The following PCDH15 variants were observed in gnomAD, a reference collection of about 807,000 sequenced individuals.
PCDH15 encodes the protein protocadherin related 15.
In PCDH15, 129 loss-of-function variants were observed where a neutral mutation model predicts 178.5. The ratio of observed to expected loss-of-function variants is 0.72; its 90% CI spans 0.63 to 0.84. PCDH15 has a LOEUF of 0.84. Among genes scored for constraint, PCDH15 ranks in the 40% least tolerant of loss-of-function variants. The probability of loss-of-function intolerance (pLI) is 0.00; values close to 1 mark genes in which losing one functional copy is unlikely to be tolerated. For synonymous variants in PCDH15, 800 were observed against 732.0 expected (o/e 1.09, Z -1.50); for missense variants, 2,230 against 2,099.9 (o/e 1.06, Z -1.21).
At chr10:55,142,254 C>G (rs1288704793) in intron 2 of PCDH15, among the ~76,000 whole-genome samples, 1 of 151,910 alleles carries the variant, frequency 6.6e-6, no homozygotes, top group African/African-American at 2.4e-5. Context: ...AAAAAAAGAA[C>G]AAAACTATTG....
chr10:54,298,143 G>A (rs923849654), intron 8 of PCDH15, among the ~76,000 whole-genome samples: 1 of 152,114 alleles, frequency 6.6e-6, no homozygotes, highest in African/African-American at 2.4e-5. Context: ...TCATGGAAAG[G>A]AAGAAAATCC....
At chr10:54,989,336 C>G (rs12265172) in intron 2 of PCDH15, among the ~76,000 whole-genome samples, 52,051 of 152,012 alleles carry the variant, frequency 0.34, 10,385 homozygotes, top group African/African-American at 0.54. Flanking sequence ...GAGGGCCACT[C>G]TCCTCCAGAC....
chr10:55,195,614 C>T (rs1840072426), intron 1 of PCDH15, among the ~76,000 whole-genome samples: 1 of 147,454 alleles, frequency 6.8e-6, no homozygotes, highest in African/African-American at 2.5e-5. Flanking sequence ...GAGATTGCGC[C>T]ACTGCACTCC....
intron 10 of PCDH15, among the ~76,000 whole-genome samples, chr10:54,205,236 T>C (rs2050667314): frequency 6.6e-6 from 1 of 152,112 alleles, no homozygotes; most frequent in Non-Finnish European, 1.5e-5. Flanking sequence ...TAGGTAGCTG[T>C]TACACTAAAA....
chr10:55,420,125 G>T (rs536506511), intron 2 of PCDH15, among the ~76,000 whole-genome samples: 14 of 151,742 alleles, frequency 9.2e-5, no homozygotes, highest in African/African-American at 3.4e-4. Context: ...AGACAAAAAC[G>T]TTAGCGTATG....
chr10:55,614,713 G>A (rs1843439898), intron 2 of PCDH15, among the ~76,000 whole-genome samples: 1 of 152,026 alleles, frequency 6.6e-6, no homozygotes, highest in African/African-American at 2.4e-5. Context: ...CACTATTTGG[G>A]TATGATCAAC....
intron 21 of PCDH15, among the ~76,000 whole-genome samples, chr10:53,967,552 G>A (rs1429476680): frequency 1.3e-5 from 2 of 152,156 alleles, no homozygotes; most frequent in Non-Finnish European, 2.9e-5. Flanking sequence ...GATTACAGGT[G>A]TAAACCACTG....
intron 2 of PCDH15, among the ~76,000 whole-genome samples, chr10:55,080,479 C>T (rs1417456666): frequency 6.6e-6 from 1 of 152,152 alleles, no homozygotes; most frequent in Admixed American, 6.5e-5. Context: ...GGTACCACTG[C>T]ACTGGAGTAC....
rs559574339 is a variant in PCDH15, at chr10:54,995,303, G to A, written c.-79-97803C>T. Among the ~76,000 whole-genome samples, 3 of 151,356 alleles carry A rather than the reference G, an allele frequency of 2.0e-5. No homozygotes were observed. In the East Asian group the frequency reaches 5.9e-4, roughly 30 times the overall value. ...AGGCAGGAGAATGGCGTGAACCCGG[G>A]AGTCGGAGTTTGCAGTGAGTAGAGA... On this transcript the variant is annotated intron_variant, in intron 2 of 5. Coordinates refer to the PCDH15 transcript ENST00000458638.
rs1247234275 is a variant in PCDH15 at position 54,307,102 on chromosome 10, GTGTATATATATA to G, written c.876+10157_876+10168del. On this transcript the variant is annotated intron_variant, in intron 8 of 37. Coordinates refer to ENST00000644397, the MANE Select transcript of PCDH15 (RefSeq NM_001384140.1). ...TATACATATATATATATGTGTGTGTGTGTATATATATATATATATATATATATATATATATAT... is the reference window on the plus strand; with the variant it reads ...TATACATATATATATATGTGTGTGTGTATATATATATATATATATATATAT... Among the ~76,000 whole-genome samples, 23 of 11,734 alleles carry G rather than the reference GTGTATATATATA, an allele frequency of 2.0e-3. 1 individual carries two copies. Among genetic ancestry groups the G allele is most frequent in the African/African-American group, 4.9e-3 (12 of 2,444 alleles). The allele number at this position is 11,734 out of a possible 152,430, so 7.7% of individuals were successfully genotyped here. A position where few individuals can be genotyped will look rare whatever the true frequency, so the allele number is the denominator to read the frequency against.
intron 2 of PCDH15, among the ~76,000 whole-genome samples, chr10:54,551,174 A>C (rs1414508057): frequency 6.7e-6 from 1 of 148,806 alleles, no homozygotes; most frequent in Non-Finnish European, 1.5e-5. Flanking sequence ...AAAAAAAAAA[A>C]AAAATTAATA....
At chr10:53,952,535 T>C (rs1008708048) in intron 23 of PCDH15, among the ~76,000 whole-genome samples, 9 of 152,228 alleles carry the variant, frequency 5.9e-5, no homozygotes, top group Middle Eastern at 3.4e-3. Context: ...TGGGCAGCCA[T>C]GGGCAGCCAT....
At position 54,038,784 on chromosome 10, in the gene PCDH15, G is replaced by T. The variant is rs182288364; in HGVS notation, c.2221-15587C>A. Among the ~76,000 whole-genome samples, 774 of 151,974 alleles carry T rather than the reference G, an allele frequency of 5.1e-3. 3 individuals carry two copies. The highest frequency in any genetic ancestry group is 8.6e-3 in the Non-Finnish European group (582 of 67,932). On this transcript the variant is annotated intron_variant, in intron 18 of 37. Transcript: ENST00000644397. ...CATAACAAGCCTCTATCTTGGATTG[G>T]TTTTTTTCTTAGAGTATAAAATCCT...
intron 1 of PCDH15, among the ~76,000 whole-genome samples, chr10:54,746,354 A>C (rs373221952): frequency 1.8e-3 from 31 of 17,628 alleles, no homozygotes; most frequent in African/African-American, 3.4e-3. Context: ...GCGATGGTTA[A>C]TGGGTACAAA....
chr10:54,770,202 C>A (rs958884573), intron 1 of PCDH15, among the ~76,000 whole-genome samples: 14 of 152,048 alleles, frequency 9.2e-5, no homozygotes, highest in Middle Eastern at 3.4e-3. Context: ...TCAGAGAATC[C>A]CCTTTTAATG....
In PCDH15 at chr10:53,959,179, G is replaced by GTGTA. The variant is rs1554882274; in HGVS notation, c.3122+552_3122+553insTACA. 1.2e-3 allele frequency among the ~76,000 whole-genome samples: 170 copies of GTGTA among 147,162 alleles called. 1 individual carries two copies. The highest frequency in any genetic ancestry group is 4.1e-3 in the African/African-American group (164 of 40,178). On this transcript the variant is annotated intron_variant, in intron 23 of 37. Coordinates refer to ENST00000644397, the MANE Select transcript of PCDH15 (RefSeq NM_001384140.1). ...TATTATATATGTGTATATATAGTGT[G>GTGTA]TATATATATATACACACAGTATATA...
intron 1 of PCDH15, among the ~76,000 whole-genome samples, chr10:54,760,958 A>G (rs556661054): frequency 4.6e-5 from 7 of 152,220 alleles, no homozygotes; most frequent in Non-Finnish European, 7.4e-5. Flanking sequence ...ACAATACTAT[A>G]CAATACAATA....
intron 3 of PCDH15, among the ~76,000 whole-genome samples, chr10:54,443,980 T>C (rs1461455466): frequency 1.3e-5 from 2 of 151,804 alleles, no homozygotes; most frequent in African/African-American, 2.4e-5. Flanking sequence ...TTATTGAATC[T>C]ACATACAAAG....
intron 21 of PCDH15, among the ~76,000 whole-genome samples, chr10:53,984,086 G>GGTTTCATA (rs2090899300): frequency 6.7e-6 from 1 of 148,372 alleles, no homozygotes; most frequent in Admixed American, 6.7e-5. Context: ...CCTCTTATCT[G>GGTTTCATA]GTTTCATAGA....
Sources: allele counts gnomAD v4.1 joint callset (sites outside exome capture counted in the v4.1 genomes callset), GRCh38; gene constraint gnomAD v4.1.1; transcripts MANE v1.5; gene names NCBI Gene and HGNC (gene_info 2026-07-23, HGNC 2026-07-21).